Variants in TASP1 observed in about 807,000 individuals in gnomAD.
TASP1 encodes threonine aspartase 1.
TASP1 carries 16 observed loss-of-function variants against 56.6 expected under a neutral mutation model. The ratio of observed to expected loss-of-function variants is 0.28; its 90% confidence interval spans 0.19 to 0.43. TASP1 has a LOEUF of 0.43. Among genes scored for constraint, TASP1 ranks in the 20% least tolerant of loss-of-function variants. The pLI is 1.00. For synonymous variants in TASP1, 179 were observed against 184.2 expected, an observed-to-expected ratio of 0.97 and a Z score of 0.23; for missense variants, 393 against 511.6, an observed-to-expected ratio of 0.77 and a Z score of 2.24.
At chr20:13,214,186 C>G in the TASP1 span, among the ~76,000 whole-genome samples, 1 of 152,084 alleles carries the variant, frequency 6.6e-6, no homozygotes, top group South Asian at 2.1e-4. Flanking sequence ...AGGAGGATCT[C>G]CTTACTCTTA....
the TASP1 span, among the ~76,000 whole-genome samples, chr20:13,206,302 G>C: frequency 6.6e-6 from 1 of 152,136 alleles, no homozygotes; most frequent in Non-Finnish European, 1.5e-5. Flanking sequence ...CAGGGATCTG[G>C]ATCACAGTAG....
At chr20:13,508,484 T>G (rs2044210325) in intron 10 of TASP1, among the ~76,000 whole-genome samples, 1 of 152,102 alleles carries the variant, frequency 6.6e-6, no homozygotes, top group Admixed American at 6.6e-5. Context: ...TTAGGGATGC[T>G]CAACTGGTAT....
chr20:13,333,071 A>G, the TASP1 span, among the ~76,000 whole-genome samples: 5 of 152,204 alleles, frequency 3.3e-5, no homozygotes, highest in African/African-American at 4.8e-5. Flanking sequence ...ATCAGACTTC[A>G]CTTACACAAT....
chr20:13,602,047 T>G (rs965011326), intron 4 of TASP1, among the ~76,000 whole-genome samples: 1 of 151,878 alleles, frequency 6.6e-6, no homozygotes, highest in Non-Finnish European at 1.5e-5. Flanking sequence ...CAGCTAATTT[T>G]TTTGTATTTT....
At chr20:13,326,034 T>G in the TASP1 span, among the ~76,000 whole-genome samples, 1 of 152,196 alleles carries the variant, frequency 6.6e-6, no homozygotes, top group African/African-American at 2.4e-5. Flanking sequence ...ACTACAGTTT[T>G]TGAAATGTCA....
At chr20:13,296,105 C>T in the TASP1 span, among the ~76,000 whole-genome samples, 1 of 152,182 alleles carries the variant, frequency 6.6e-6, no homozygotes, top group Admixed American at 6.5e-5. Context: ...AGTTGGCTTC[C>T]TTAGATATGC....
chr20:13,366,135 C>A, the TASP1 span, among the ~76,000 whole-genome samples: 3 of 152,106 alleles, frequency 2.0e-5, no homozygotes, highest in African/African-American at 7.2e-5. Context: ...ATGTTTTGGA[C>A]ATATTTGGAA....
At chr20:13,183,793 G>A in the TASP1 span, among the ~76,000 whole-genome samples, 2 of 152,162 alleles carry the variant, frequency 1.3e-5, no homozygotes, top group African/African-American at 2.4e-5. Context: ...ACTTTGGGAG[G>A]CTGAGGTGGG....
chr20:13,355,647 G>T, the TASP1 span, among the ~76,000 whole-genome samples: 6 of 152,182 alleles, frequency 3.9e-5, no homozygotes, highest in Non-Finnish European at 8.8e-5. Context: ...CTCCAACACT[G>T]GTATGTCAAG....
In TASP1 at chr20:13,456,476, G is replaced by A. The variant is rs576376061; in HGVS notation, c.986-21322C>T. Reference sequence around the variant, plus strand: ...TTTGCTATCCTAAAGAAAAAAACCTGTAAAGGGTGCCAATTATTCTTCAAT... The same window carrying A: ...TTTGCTATCCTAAAGAAAAAAACCTATAAAGGGTGCCAATTATTCTTCAAT... On this transcript the variant is annotated intron_variant, in intron 11 of 13. Coordinates refer to ENST00000337743, the MANE Select transcript of TASP1 (RefSeq NM_017714.3). Among the ~76,000 whole-genome samples the A allele has an allele frequency of 2.0e-4, 31 of 152,116 alleles. 3 individuals carry two copies. The highest frequency in any genetic ancestry group is 7.2e-4 in the African/African-American group (30 of 41,536).
the TASP1 span, among the ~76,000 whole-genome samples, chr20:13,213,845 C>T: frequency 2.0e-5 from 3 of 152,020 alleles, no homozygotes; most frequent in African/African-American, 7.3e-5. Context: ...ACACATAATC[C>T]GAAATTAATC....
chr20:13,241,823 G>A, the TASP1 span, among the ~76,000 whole-genome samples: 1 of 152,082 alleles, frequency 6.6e-6, no homozygotes. Flanking sequence ...TGCTTTTATT[G>A]TTCCCATCAC....
In TASP1 at chr20:13,508,843, G is replaced by A. The variant is rs575168987; in HGVS notation, c.874+19590C>T. Among the ~76,000 whole-genome samples, 22 of 152,208 alleles carry A rather than the reference G, an allele frequency of 1.4e-4. No homozygotes were observed. The South Asian group carries it at 4.6e-3, about 32-fold the overall frequency. On this transcript the variant is annotated intron_variant, in intron 10 of 13. Coordinates refer to ENST00000337743, the MANE Select transcript of TASP1 (RefSeq NM_017714.3). ...ACCAAAACATCAAAAAATAAAAAGT[G>A]TTGACAAGGATGTGGAGAAAAGGGA...
intron 12 of TASP1, among the ~76,000 whole-genome samples, chr20:13,431,337 A>G (rs898210820): frequency 6.6e-6 from 1 of 152,156 alleles, no homozygotes; most frequent in Non-Finnish European, 1.5e-5. Flanking sequence ...AACTGATAGA[A>G]AGGAGAATCC....
the TASP1 span, among the ~76,000 whole-genome samples, chr20:13,192,732 T>G: frequency 4.2e-5 from 6 of 143,198 alleles, no homozygotes; most frequent in South Asian, 6.7e-4. Flanking sequence ...TTTGTTTTTG[T>G]TTTTTTTTTT....
At chr20:13,608,568 A>T (rs1430149884) in intron 4 of TASP1, among the ~76,000 whole-genome samples, 2 of 152,264 alleles carry the variant, frequency 1.3e-5, no homozygotes, top group Non-Finnish European at 2.9e-5. Flanking sequence ...ACAAATGAAT[A>T]AGCATGGCTG....
the TASP1 span, among the ~76,000 whole-genome samples, chr20:13,363,488 T>C: frequency 1.3e-5 from 2 of 152,174 alleles, no homozygotes; most frequent in Admixed American, 1.3e-4. Context: ...AATGAACCCA[T>C]AAACATAAGT....
At chr20:13,298,907 A>T in the TASP1 span, 1 of 1,603,048 alleles carries the variant, frequency 6.2e-7, no homozygotes, top group Non-Finnish European at 8.5e-7. Flanking sequence ...CCGGTTGTAC[A>T]CGCGGTGAGA....
the TASP1 span, among the ~76,000 whole-genome samples, chr20:13,273,554 C>G: frequency 6.6e-6 from 1 of 152,076 alleles, no homozygotes; most frequent in Non-Finnish European, 1.5e-5. Context: ...AAAAATATTA[C>G]TTAAATATTA....
Sources: gnomAD v4.1 joint callset for allele counts (sites outside exome capture counted in the v4.1 genomes callset) on GRCh38, gnomAD v4.1.1 for gene constraint, MANE v1.5 for transcripts, NCBI Gene and HGNC (gene_info 2026-07-23, HGNC 2026-07-21) for gene names.